Variants in PAPSS2 observed in about 807,000 individuals in gnomAD.
The protein encoded by PAPSS2 is bifunctional 3'-phosphoadenosine 5'-phosphosulfate synthase 2.
PAPSS2 carries 61 observed loss-of-function variants against 66.5 expected under a neutral mutation model. The ratio of observed to expected loss-of-function variants is 0.92; its 90% CI spans 0.75 to 1.14. The LOEUF is 1.14. Among genes scored for constraint, PAPSS2 ranks in the 50% most tolerant of loss-of-function variants. The pLI, the probability that PAPSS2 is intolerant of heterozygous loss-of-function variation, is 0.00. For missense variants in PAPSS2, 708 were observed against 789.6 expected (o/e 0.90, Z 1.24); for synonymous variants, 289 against 287.5 (o/e 1.01, Z -0.05).
intron 9 of PAPSS2, among the ~76,000 whole-genome samples, chr10:87,737,539 C>T (rs970786630): frequency 2.6e-5 from 4 of 152,060 alleles, no homozygotes; most frequent in Non-Finnish European, 5.9e-5. Context: ...ACAACTCCCG[C>T]GGTCAGGCAT....
At chr10:87,703,349 C>T (rs906863964) in intron 1 of PAPSS2, among the ~76,000 whole-genome samples, 29 of 150,798 alleles carry the variant, frequency 1.9e-4, no homozygotes, top group Admixed American at 3.3e-4. Flanking sequence ...TTGTCTGATT[C>T]GATCATGAGT....
rs528361549 is a variant in PAPSS2 at position 87,715,978 on chromosome 10, G to A, written c.865+135G>A. 15 of 708,426 alleles carry A rather than the reference G, an allele frequency of 2.1e-5. No individual in the cohort carries two copies. The South Asian group carries it at 2.3e-4, about 11-fold the overall frequency. 43.9% of individuals were successfully genotyped at this position (708,426 alleles called of 1,614,324 possible). On this transcript the variant is annotated intron_variant, in intron 7 of 12. Transcript: ENST00000456849. ...CAAAACTGTTTGGATCATTTACAGTGTGCTCCATTCTATTATGTTTAAGCT... is the reference window on the plus strand; with the variant it reads ...CAAAACTGTTTGGATCATTTACAGTATGCTCCATTCTATTATGTTTAAGCT...
At chr10:87,743,228 G>A (rs1439322303) in intron 10 of PAPSS2, 145 bp from the exon 11 acceptor site, 3 of 863,492 alleles carry the variant, frequency 3.5e-6, no homozygotes, top group Non-Finnish European at 3.8e-6. Flanking sequence ...CTGGGCAACA[G>A]AGTGAGACTC....
intron 2 of PAPSS2, among the ~76,000 whole-genome samples, chr10:87,712,259 C>T (rs1268738147): frequency 6.6e-6 from 1 of 152,120 alleles, no homozygotes; most frequent in East Asian, 1.9e-4. Context: ...CATCTAGAAG[C>T]CAAAGGACAG....
chr10:87,674,588 C>A (rs1158309694), intron 1 of PAPSS2, among the ~76,000 whole-genome samples: 1 of 152,170 alleles, frequency 6.6e-6, no homozygotes. Context: ...ACCACAGATA[C>A]TTTAATATCA....
At chr10:87,661,483 C>T (rs567880073) in intron 1 of PAPSS2, among the ~76,000 whole-genome samples, 1 of 152,282 alleles carries the variant, frequency 6.6e-6, no homozygotes, top group East Asian at 1.9e-4. Flanking sequence ...AATGGCAAGC[C>T]GCTGTGCCAG....
chr10:87,705,388 A>G (rs1589431508), intron 1 of PAPSS2, among the ~76,000 whole-genome samples: 1 of 152,218 alleles, frequency 6.6e-6, no homozygotes, highest in East Asian at 1.9e-4. Flanking sequence ...TAAAGTTGCT[A>G]AGAACATTCT....
At chr10:87,701,384 CTTTCTTTCTT>C (rs1564716822) in intron 1 of PAPSS2, among the ~76,000 whole-genome samples, 44 of 65,218 alleles carry the variant, frequency 6.7e-4, no homozygotes, top group African/African-American at 2.9e-3. Flanking sequence ...TTCTTTCTTT[CTTTCTTTCTT>C]TCTCTTTCTT....
chr10:87,673,301 C>T (rs1485363090), intron 1 of PAPSS2, among the ~76,000 whole-genome samples: 1 of 151,900 alleles, frequency 6.6e-6, no homozygotes, highest in African/African-American at 2.4e-5. Context: ...TAGAACATTC[C>T]CTTTATAAAT....
intron 7 of PAPSS2, among the ~76,000 whole-genome samples, chr10:87,721,507 A>C (rs1853598860): frequency 6.6e-6 from 1 of 152,238 alleles, no homozygotes; most frequent in Non-Finnish European, 1.5e-5. Context: ...ATAAAAAATT[A>C]GAAAACCAGA....
intron 1 of PAPSS2, among the ~76,000 whole-genome samples, chr10:87,677,037 T>TA (rs1483592333): frequency 2.7e-5 from 4 of 150,258 alleles, no homozygotes; most frequent in Non-Finnish European, 5.9e-5. Flanking sequence ...CTACTAAAAA[T>TA]AAAAAAATTA....
At chr10:87,712,844 A>G (rs1044453405) in intron 2 of PAPSS2, among the ~76,000 whole-genome samples, 4 of 152,036 alleles carry the variant, frequency 2.6e-5, no homozygotes, top group African/African-American at 9.7e-5. Flanking sequence ...AAATCTCCCT[A>G]TTTATGAAGC....
intron 7 of PAPSS2, among the ~76,000 whole-genome samples, chr10:87,721,439 A>G (rs1239309573): frequency 2.0e-5 from 3 of 152,234 alleles, no homozygotes; most frequent in Non-Finnish European, 4.4e-5. Flanking sequence ...GGACATTAAC[A>G]TATGTTATAA....
At chr10:87,691,327 C>T (rs1853168559) in intron 1 of PAPSS2, among the ~76,000 whole-genome samples, 1 of 152,088 alleles carries the variant, frequency 6.6e-6, no homozygotes, top group African/African-American at 2.4e-5. Context: ...GTATTCCAGG[C>T]ATACAGATTC....
Position 87,727,497 on chromosome 10 carries a change from A to C in PAPSS2, c.1086+8A>C. The C allele has an allele frequency of 6.2e-7, 1 of 1,605,584 alleles. No homozygotes were observed. ...AAACACCCCCATATCAAAGTAAGTC[A>C]CAAAACCTTTGGAAGGACTTTCTTG... is the stretch of plus-strand genomic sequence containing the variant. On this transcript the variant is annotated splice_region_variant and intron_variant, in intron 9 of 12. Transcript: ENST00000456849.
At chr10:87,742,688 C>T (rs1589444786) in intron 10 of PAPSS2, among the ~76,000 whole-genome samples, 1 of 152,160 alleles carries the variant, frequency 6.6e-6, no homozygotes, top group African/African-American at 2.4e-5. Context: ...ATTGTTGCCC[C>T]TTGCACAGGC....
chr10:87,702,603 C>T (rs939122164), intron 1 of PAPSS2, among the ~76,000 whole-genome samples: 1 of 152,066 alleles, frequency 6.6e-6, no homozygotes, highest in Non-Finnish European at 1.5e-5. Context: ...GCAATGAGGG[C>T]CAAGTTAAAA....
At chr10:87,695,122 C>T (rs1192920695) in intron 1 of PAPSS2, among the ~76,000 whole-genome samples, 1 of 145,178 alleles carries the variant, frequency 6.9e-6, no homozygotes, top group South Asian at 2.3e-4. Flanking sequence ...CACAAAATAC[C>T]ATACCCTGGT....
At chr10:87,678,183 A>G (rs897152241) in intron 1 of PAPSS2, among the ~76,000 whole-genome samples, 3 of 152,182 alleles carry the variant, frequency 2.0e-5, no homozygotes, top group Non-Finnish European at 4.4e-5. Flanking sequence ...CGCCAAGACT[A>G]TACACTGGGG....
Sources: allele counts gnomAD v4.1 joint callset (sites outside exome capture counted in the v4.1 genomes callset), GRCh38; gene constraint gnomAD v4.1.1; transcripts MANE v1.5; gene names NCBI Gene and HGNC (gene_info 2026-07-23, HGNC 2026-07-21).